Variants in ZFYVE1 observed in about 807,000 individuals in gnomAD.
ZFYVE1 encodes zinc finger FYVE-type containing 1.
A neutral mutation model predicts 74.4 loss-of-function variants in ZFYVE1; 30 were observed. The observed-to-expected ratio is 0.40, with a 90% confidence interval of 0.30 to 0.55. The LOEUF (loss-of-function observed/expected upper bound fraction) is 0.55. ZFYVE1 is among the 20% of genes least tolerant of loss of function. The pLI is 0.42. For missense variants in ZFYVE1, 703 were observed against 1,011.6 expected (o/e 0.69, Z 4.14); for synonymous variants, 335 against 385.1 (o/e 0.87, Z 1.52).
chr14:72,974,032 C>G (rs1156401258), intron 11 of ZFYVE1, 48 bp downstream of exon 11: 1 of 1,573,966 alleles, frequency 6.4e-7, no homozygotes, highest in Non-Finnish European at 8.7e-7. Context: ...CACCTGAAAC[C>G]CCTCAACCCG....
At chr14:72,990,516 C>T (rs7156093) in intron 4 of ZFYVE1, among the ~76,000 whole-genome samples, 1 of 151,380 alleles carries the variant, frequency 6.6e-6, no homozygotes, top group African/African-American at 2.4e-5. Context: ...CCTGCCTCAG[C>T]CTCCTGAGTA....
chr14:72,988,733 G>A (rs1893540902), intron 4 of ZFYVE1, among the ~76,000 whole-genome samples: 1 of 150,548 alleles, frequency 6.6e-6, no homozygotes, highest in Non-Finnish European at 1.5e-5. Flanking sequence ...CTTGAACCTG[G>A]GAGTCAGAGG....
Position 72,969,549 on chromosome 14 carries a change from G to A in ZFYVE1, c.*1333C>T, listed in dbSNP as rs1237007548. 21 of 611,270 alleles carry A rather than the reference G, an allele frequency of 3.4e-5. No homozygotes were observed. Among genetic ancestry groups the A allele is most frequent in the Non-Finnish European group, 5.8e-5 (20 of 343,572 alleles). 37.9% of individuals were successfully genotyped at this position (611,270 alleles called of 1,614,324 possible). On this transcript the variant is annotated 3_prime_UTR_variant, in exon 12 of 12. Transcript: ENST00000556143. ...CAGGAGGCAGGAGGAGCAGGGCTGA[G>A]AGGGACGACACACTCCAGGGCTCAT...
In ZFYVE1 at chr14:72,977,872, T is replaced by A. The variant is rs1893215109; in HGVS notation, c.1635+55A>T. ...AGCAGGTTCCAGTTTTCTATACACA[T>A]GAAAAACTGAACGACACAAGATAAA... On this transcript the variant is annotated intron_variant, in intron 8 of 11. Transcript: ENST00000556143. 19 of 1,575,584 alleles carry A rather than the reference T, an allele frequency of 1.2e-5. No individual in the cohort carries two copies. The South Asian group carries it at 2.0e-4, about 17-fold the overall frequency.
chr14:72,978,280 GT>G, intron 6 of ZFYVE1, 46 bp from the exon 7 acceptor site: 1 of 1,591,832 alleles, frequency 6.3e-7, no homozygotes, highest in Non-Finnish European at 8.6e-7. Context: ...TTTTTTGTTT[GT>G]TTTTTTAATA....
At position 72,998,040 on chromosome 14, in the gene ZFYVE1, C is replaced by G. The variant is rs1893787984; in HGVS notation, c.759G>C (p.Leu253=). ...GGTCTGAGATGGCCAGGACCTTAAG[C>G]AGCAGCCGTGTTCTCTGGCTTAGAT... ...TVNLSQRTRL[L]LKVLAISDLV... The change falls in exon 3 of 12, where the codon CTG becomes CTC. Residue 253 remains leucine, a synonymous_variant. Transcript: ENST00000556143. The G allele has an allele frequency of 6.2e-7, 1 of 1,614,052 alleles. No individual in the cohort carries two copies. The highest frequency in any genetic ancestry group is 1.7e-5 in the Admixed American group (1 of 59,990).
chr14:72,980,778 G>A (rs1330286532), intron 5 of ZFYVE1, among the ~76,000 whole-genome samples: 5 of 151,590 alleles, frequency 3.3e-5, no homozygotes, highest in East Asian at 1.9e-4. Context: ...CCATAGTCTC[G>A]ATCTGCTGAC....
intron 2 of ZFYVE1, among the ~76,000 whole-genome samples, chr14:73,010,157 G>A (rs188242774): frequency 9.3e-4 from 142 of 152,320 alleles, no homozygotes; most frequent in Admixed American, 4.3e-3. Context: ...TCAAAAGGAT[G>A]TATCTTTTGA....
intron 4 of ZFYVE1, among the ~76,000 whole-genome samples, chr14:72,986,685 TGC>T (rs1893490807): frequency 1.3e-5 from 2 of 151,648 alleles, no homozygotes; most frequent in African/African-American, 4.8e-5. Flanking sequence ...CGTGCCACCA[TGC>T]CCAGCTGATT....
At chr14:73,006,121 G>C (rs1488655808) in intron 2 of ZFYVE1, among the ~76,000 whole-genome samples, 1 of 151,628 alleles carries the variant, frequency 6.6e-6, no homozygotes, top group African/African-American at 2.4e-5. Context: ...GGGTTTCACC[G>C]TGTTAGCCAG....
At chr14:73,008,156 T>C (rs956613200) in intron 2 of ZFYVE1, among the ~76,000 whole-genome samples, 2 of 152,028 alleles carry the variant, frequency 1.3e-5, no homozygotes, top group African/African-American at 2.4e-5. Flanking sequence ...AAAGTGTTTC[T>C]TTTTTTATTT....
chr14:73,024,639 C>T lies in ZFYVE1; in HGVS notation c.-131G>A, dbSNP rs779665501. 4.0e-4 allele frequency: 513 copies of T among 1,276,432 alleles called. 1 individual carries two copies. Among genetic ancestry groups the T allele is most frequent in the Non-Finnish European group, 5.0e-4 (474 of 955,508 alleles). The allele number at this position is 1,276,432 out of a possible 1,614,324, so 79.1% of individuals were successfully genotyped here. A position where few individuals can be genotyped will look rare whatever the true frequency, so the allele number is the denominator to read the frequency against. On this transcript the variant is annotated 5_prime_UTR_variant, in exon 2 of 12. It adds an upstream start codon to the 5' untranslated region. Coordinates refer to ENST00000556143, the MANE Select transcript of ZFYVE1 (RefSeq NM_021260.4). ...GTTCTGAACACTTTAAAAAAGAACA[C>T]CTTTCATGTCCTGTTATAGTTCTTC...
chr14:73,005,680 T>C (rs1369163035), intron 2 of ZFYVE1, among the ~76,000 whole-genome samples: 3 of 152,064 alleles, frequency 2.0e-5, no homozygotes, highest in East Asian at 3.9e-4. Context: ...CTAAAAGAGA[T>C]AAAGTATGTA....
intron 4 of ZFYVE1, among the ~76,000 whole-genome samples, chr14:72,983,346 C>A (rs1893389352): frequency 1.5e-5 from 2 of 130,816 alleles, no homozygotes. Flanking sequence ...ATCCTTCCCC[C>A]CTCCCCCCCA....
At chr14:73,023,239 G>GTAATATATATATTATATGTTTTATATA (rs1567366591) in intron 2 of ZFYVE1, among the ~76,000 whole-genome samples, 2 of 95,574 alleles carry the variant, frequency 2.1e-5, no homozygotes, top group Non-Finnish European at 4.2e-5. Context: ...TGTTTTATAT[G>GTAATATATATATTATATGTTTTATATA]TAATATATAT....
intron 2 of ZFYVE1, among the ~76,000 whole-genome samples, chr14:73,015,576 G>C (rs953684740): frequency 6.6e-6 from 1 of 152,108 alleles, no homozygotes; most frequent in East Asian, 1.9e-4. Flanking sequence ...TAGACACGGG[G>C]TTTTGCCATG....
rs749329759 is a variant in ZFYVE1, at chr14:72,978,908, G to A, written c.1372C>T (p.Arg458Cys). Residue 458 changes from arginine to cysteine, a missense_variant, in exon 6 of 12, where the codon CGC becomes TGC. Coordinates refer to ENST00000556143, the MANE Select transcript of ZFYVE1 (RefSeq NM_021260.4). ...TCATACTGGTGGGAGTATCTGCAGC[G>A]GCTCTTGGCTTCATGAGGCACTCCT... ...KEGVPHEAKS[R>C]CRYSHQYDNR... 8.1e-6 allele frequency: 13 copies of A among 1,613,940 alleles called. No homozygotes were observed. Among genetic ancestry groups the A allele is most frequent in the Non-Finnish European group, 9.3e-6 (11 of 1,179,984 alleles).
intron 2 of ZFYVE1, among the ~76,000 whole-genome samples, chr14:73,021,795 A>G (rs936422978): frequency 6.6e-6 from 1 of 152,200 alleles, no homozygotes; most frequent in Non-Finnish European, 1.5e-5. Flanking sequence ...AAAAAAAAAG[A>G]TGAAGGACCA....
At chr14:73,016,950 G>C (rs1894215512) in intron 2 of ZFYVE1, among the ~76,000 whole-genome samples, 1 of 152,090 alleles carries the variant, frequency 6.6e-6, no homozygotes, top group South Asian at 2.1e-4. Context: ...TACAAAATAT[G>C]TCAAAAGAGA....
Sources: gnomAD v4.1 joint callset for allele counts (sites outside exome capture counted in the v4.1 genomes callset) on GRCh38, gnomAD v4.1.1 for gene constraint, MANE v1.5 for transcripts, NCBI Gene and HGNC (gene_info 2026-07-23, HGNC 2026-07-21) for gene names.